UBASH3B: variants seen among roughly 807,000 people sequenced by gnomAD.
UBASH3B encodes ubiquitin associated and SH3 domain containing B.
A neutral mutation model predicts 83.4 loss-of-function variants in UBASH3B; 37 were observed. The ratio of observed to expected loss-of-function variants is 0.44; its 90% CI spans 0.34 to 0.58. The LOEUF is 0.58. Among genes scored for constraint, UBASH3B ranks in the 20% least tolerant of loss-of-function variants. The pLI, the probability that UBASH3B is intolerant of heterozygous loss-of-function variation, is 0.01. For missense variants in UBASH3B, 657 were observed against 827.2 expected (o/e 0.79, Z 2.52); for synonymous variants, 304 against 318.3 (o/e 0.96, Z 0.48).
At chr11:122,716,187 T>G (rs1860522424) in intron 1 of UBASH3B, among the ~76,000 whole-genome samples, 2 of 152,162 alleles carry the variant, frequency 1.3e-5, no homozygotes, top group South Asian at 2.1e-4. Flanking sequence ...AGAGGAGAGC[T>G]CTGAGACAGG....
chr11:122,688,562 C>T (rs1863838844), intron 1 of UBASH3B, among the ~76,000 whole-genome samples: 4 of 151,682 alleles, frequency 2.6e-5, no homozygotes, highest in Admixed American at 2.6e-4. Context: ...TCTCCTGCCT[C>T]AGCCTCCCGA....
At chr11:122,807,341 G>A (rs987345377) in intron 12 of UBASH3B, among the ~76,000 whole-genome samples, 1 of 152,176 alleles carries the variant, frequency 6.6e-6, no homozygotes, top group African/African-American at 2.4e-5. Context: ...AGAATTGCAT[G>A]AACTGTATCG....
intron 1 of UBASH3B, among the ~76,000 whole-genome samples, chr11:122,700,774 G>A (rs1371564610): frequency 6.6e-6 from 1 of 152,164 alleles, no homozygotes; most frequent in Non-Finnish European, 1.5e-5. Flanking sequence ...TGGGAATATA[G>A]GCATGAGCCA....
intron 1 of UBASH3B, among the ~76,000 whole-genome samples, chr11:122,742,758 G>C (rs1009363617): frequency 6.6e-6 from 1 of 152,192 alleles, no homozygotes; most frequent in African/African-American, 2.4e-5. Flanking sequence ...TTTTCTCAGA[G>C]AAAGGGAAAA....
At chr11:122,721,244 CAAAAAAAAA>C (rs34298191) in intron 1 of UBASH3B, among the ~76,000 whole-genome samples, 5 of 73,148 alleles carry the variant, frequency 6.8e-5, no homozygotes, top group African/African-American at 2.7e-4. Flanking sequence ...GACTGTGTCT[CAAAAAAAAA>C]AAAAAAAAAA....
At chr11:122,714,393 G>A (rs540970422) in intron 1 of UBASH3B, among the ~76,000 whole-genome samples, 150 of 152,260 alleles carry the variant, frequency 9.9e-4, no homozygotes, top group African/African-American at 3.5e-3. Context: ...TGGCCCTTAG[G>A]GTCAAGCCTT....
At chr11:122,764,417 A>C (rs1860498033) in intron 1 of UBASH3B, among the ~76,000 whole-genome samples, 1 of 152,228 alleles carries the variant, frequency 6.6e-6, no homozygotes, top group African/African-American at 2.4e-5. Context: ...GTAAGAAATG[A>C]CTTCCTTTGG....
intron 1 of UBASH3B, among the ~76,000 whole-genome samples, chr11:122,769,980 T>C (rs1046511941): frequency 6.6e-5 from 10 of 152,248 alleles, no homozygotes; most frequent in Non-Finnish European, 1.0e-4. Context: ...GTATTAAATG[T>C]TTCCAAATGT....
At chr11:122,662,427 C>CTTTTTTTTTTTT (rs1434926452) in intron 1 of UBASH3B, among the ~76,000 whole-genome samples, 1 of 136,132 alleles carries the variant, frequency 7.3e-6, no homozygotes. Flanking sequence ...TTTTTCTTTT[C>CTTTTTTTTTTTT]TTTTCTTTTT....
At chr11:122,662,172 G>T (rs1018526195) in intron 1 of UBASH3B, among the ~76,000 whole-genome samples, 1 of 151,976 alleles carries the variant, frequency 6.6e-6, no homozygotes, top group Non-Finnish European at 1.5e-5. Flanking sequence ...CTCCCAAAGT[G>T]CTGGGATTAC....
At chr11:122,809,389 T>C (rs1469331143) in intron 13 of UBASH3B, among the ~76,000 whole-genome samples, 1 of 152,226 alleles carries the variant, frequency 6.6e-6, no homozygotes, top group Non-Finnish European at 1.5e-5. Context: ...GCTGCCTTTT[T>C]ACCTGGACTT....
intron 1 of UBASH3B, chr11:122,775,793 A>G (rs1237202589): frequency 6.3e-6 from 1 of 158,334 alleles, no homozygotes; most frequent in Non-Finnish European, 1.4e-5. Flanking sequence ...AAAAAGAAAA[A>G]AGAAAACCAT....
rs529798688 is a variant in UBASH3B at position 122,800,262 on chromosome 11, A to T, written c.1451-926A>T. Among the ~76,000 whole-genome samples the T allele has an allele frequency of 2.0e-5, 3 of 152,046 alleles. No homozygotes were observed. The East Asian group carries it at 5.8e-4, about 29-fold the overall frequency. ...TTTAGAAAGAGGAATTATGGGGGCC[A>T]GGCGCAGTGGCTCACGCCTGTAATC... On this transcript the variant is annotated intron_variant, in intron 10 of 13. Coordinates refer to ENST00000284273, the MANE Select transcript of UBASH3B (RefSeq NM_032873.5).
intron 4 of UBASH3B, chr11:122,782,790 TA>T: frequency 2.6e-6 from 1 of 382,102 alleles, no homozygotes; most frequent in Non-Finnish European, 4.7e-6. Flanking sequence ...AGGACTTAAC[TA>T]AAAGGACTGC....
At chr11:122,731,476 G>A (rs1860842896) in intron 1 of UBASH3B, among the ~76,000 whole-genome samples, 1 of 152,158 alleles carries the variant, frequency 6.6e-6, no homozygotes, top group Non-Finnish European at 1.5e-5. Flanking sequence ...ATGGTCATGT[G>A]AACATAAGCA....
At chr11:122,789,602 C>T (rs1486120179) in intron 6 of UBASH3B, among the ~76,000 whole-genome samples, 1 of 152,148 alleles carries the variant, frequency 6.6e-6, no homozygotes, top group South Asian at 2.1e-4. Context: ...CCCAGTGCTG[C>T]GTCTTCACTG....
At chr11:122,780,894 AG>A (rs1266060815) in intron 4 of UBASH3B, among the ~76,000 whole-genome samples, 1 of 152,206 alleles carries the variant, frequency 6.6e-6, no homozygotes, top group Non-Finnish European at 1.5e-5. Context: ...AGTGCCAGAG[AG>A]GGGGAAGACC....
chr11:122,744,632 T>A (rs1443583152), intron 1 of UBASH3B, among the ~76,000 whole-genome samples: 1 of 151,728 alleles, frequency 6.6e-6, no homozygotes, highest in Non-Finnish European at 1.5e-5. Flanking sequence ...TGAGTGACCA[T>A]GTGTGTGACA....
At chr11:122,677,975 G>A (rs1349312235) in intron 1 of UBASH3B, among the ~76,000 whole-genome samples, 4 of 152,302 alleles carry the variant, frequency 2.6e-5, no homozygotes, top group Middle Eastern at 3.4e-3. Flanking sequence ...ATTTTTAGTA[G>A]AGATGGGATT....
Sources: allele counts gnomAD v4.1 joint callset (sites outside exome capture counted in the v4.1 genomes callset), GRCh38; gene constraint gnomAD v4.1.1; transcripts MANE v1.5; gene names NCBI Gene and HGNC (gene_info 2026-07-23, HGNC 2026-07-21).